The following CACNA1B variants were observed in gnomAD, a reference collection of about 807,000 sequenced individuals.
CACNA1B encodes the protein voltage-dependent N-type calcium channel subunit alpha-1B.
Under a neutral mutation model 247.2 loss-of-function variants are expected in CACNA1B, and 70 were observed. The observed-to-expected ratio is 0.28, with a 90% CI of 0.23 to 0.35. The LOEUF (loss-of-function observed/expected upper bound fraction) is 0.35, where lower values mean the gene tolerates loss of function less well. Among genes scored for constraint, CACNA1B ranks in the 10% least tolerant of loss-of-function variants. The probability of loss-of-function intolerance (pLI) is 1.00; values close to 1 mark genes in which losing one functional copy is unlikely to be tolerated. For synonymous variants in CACNA1B, 1,231 were observed against 1,294.4 expected, an observed-to-expected ratio of 0.95 and a Z score of 1.05; for missense variants, 2,367 against 3,197.4, an observed-to-expected ratio of 0.74 and a Z score of 6.26.
rs893638684 is a variant in CACNA1B at position 137,952,834 on chromosome 9, T to C, written c.1070+457T>C. 6.6e-6 allele frequency among the ~76,000 whole-genome samples: 1 copy of C among 151,466 alleles called. No individual in the cohort carries two copies. Among genetic ancestry groups the C allele is most frequent in the South Asian group, 2.1e-4 (1 of 4,796 alleles). ...GATGGAGGTGTGGTCTGGGACAGGG[T>C]TTCTGAGCAGCCTCTGTGGCCACAG... On this transcript the variant is annotated intron_variant, in intron 7 of 46. Transcript: ENST00000371372. This position sits in a 1 kb window ranked among gnomAD's most constrained non-coding sequence, Gnocchi z 4.8.
At chr9:138,002,729 A>G (rs1958593146) in intron 15 of CACNA1B, among the ~76,000 whole-genome samples, 1 of 151,866 alleles carries the variant, frequency 6.6e-6, no homozygotes, top group South Asian at 2.1e-4. Flanking sequence ...AAAAATATAT[A>G]TTATGAAAAT....
intron 3 of CACNA1B, among the ~76,000 whole-genome samples, chr9:137,896,660 C>T (rs1957177013): frequency 6.6e-6 from 1 of 152,168 alleles, no homozygotes. Flanking sequence ...GAAATGCTCT[C>T]CCTCTTCTAT....
intron 44 of CACNA1B, among the ~76,000 whole-genome samples, chr9:138,119,433 G>A (rs969593663): frequency 6.6e-6 from 1 of 152,096 alleles, no homozygotes; most frequent in African/African-American, 2.4e-5. Flanking sequence ...CCTGCAACAT[G>A]AGCCTGCTTC....
intron 38 of CACNA1B, among the ~76,000 whole-genome samples, chr9:138,103,443 G>A (rs774116293): frequency 1.3e-5 from 2 of 152,184 alleles, no homozygotes; most frequent in African/African-American, 4.8e-5. Context: ...GGGCCTCAGA[G>A]GGCTGCTGGA....
rs1956911081 is a variant in CACNA1B at position 137,881,067 on chromosome 9, G to T, written c.391-1677G>T. ...GCTGGGGGCTCCTTCCCAGCTGAGGGTGCTGGCTGGTCCTTCCTAGGCGTC... is the reference window on the plus strand; with the variant it reads ...GCTGGGGGCTCCTTCCCAGCTGAGGTTGCTGGCTGGTCCTTCCTAGGCGTC... On this transcript the variant is annotated intron_variant, in intron 2 of 46. Coordinates refer to ENST00000371372, the MANE Select transcript of CACNA1B (RefSeq NM_000718.4). This position sits in a 1 kb window ranked among gnomAD's most constrained non-coding sequence, Gnocchi z 4.3. Among the ~76,000 whole-genome samples, 1 of 152,236 alleles carries T rather than the reference G, an allele frequency of 6.6e-6. No individual in the cohort carries two copies. The highest frequency in any genetic ancestry group is 1.5e-5 in the Non-Finnish European group (1 of 68,026).
chr9:138,023,387 C>T lies in CACNA1B; in HGVS notation c.2644C>T (p.Arg882Trp), dbSNP rs760199264. 1.2e-5 allele frequency: 15 copies of T among 1,284,416 alleles called. No homozygotes were observed. The highest frequency in any genetic ancestry group is 1.5e-5 in the Non-Finnish European group (15 of 1,015,810). 79.6% of individuals were successfully genotyped at this position (1,284,416 alleles called of 1,614,324 possible). A position where few individuals can be genotyped will look rare whatever the true frequency, so the allele number is the denominator to read the frequency against. The stretch of plus-strand genomic sequence containing the variant: ...GGCGGAGAGCGGGGAGCCCGGTGCC[C>T]GGGAGGAGCGGCCGCGGCCGCACCG... The part of the protein sequence containing the change: ...PKAESGEPGA[R>W]EERPRPHRSH... The change falls in exon 19 of 47, where the codon CGG becomes TGG. Residue 882 changes from arginine (R) to tryptophan (W), a missense_variant. This residue lies in a region of CACNA1B where 631 missense variants were observed against 631.1 expected (regional missense o/e 1.00). Transcript: ENST00000371372.
At chr9:137,979,937 A>C (rs1020702228) in intron 12 of CACNA1B, among the ~76,000 whole-genome samples, 1 of 152,246 alleles carries the variant, frequency 6.6e-6, no homozygotes, top group East Asian at 1.9e-4. Context: ...CCACTGGTCC[A>C]TAGGGATTCT....
At chr9:137,960,105 A>G (rs1589033928) in intron 10 of CACNA1B, among the ~76,000 whole-genome samples, 3 of 131,286 alleles carry the variant, frequency 2.3e-5, no homozygotes, top group Admixed American at 7.6e-5. Flanking sequence ...AGGGGAGGTC[A>G]GCCTGAGGAA....
rs141137900 is a variant in CACNA1B, at chr9:137,970,757, A to G, written c.1334-626A>G. On this transcript the variant is annotated intron_variant, in intron 10 of 46. Coordinates refer to ENST00000371372, the MANE Select transcript of CACNA1B (RefSeq NM_000718.4). Reference sequence around the variant, plus strand: ...CACAGCAGGACTGGTGTGCGTGGACATGGGAAAAGGCTGCTGGGTTGGGTG... The same window carrying G: ...CACAGCAGGACTGGTGTGCGTGGACGTGGGAAAAGGCTGCTGGGTTGGGTG... Among the ~76,000 whole-genome samples the G allele has an allele frequency of 2.2e-4, 33 of 152,336 alleles. No homozygotes were observed. In the Middle Eastern group the frequency reaches 0.01, roughly 47 times the overall value.
chr9:138,110,985 A>T (rs1233016858), intron 39 of CACNA1B, among the ~76,000 whole-genome samples: 1 of 152,124 alleles, frequency 6.6e-6, no homozygotes, highest in Non-Finnish European at 1.5e-5. Flanking sequence ...ATTTAAAAAA[A>T]AAAAAACCAC....
At chr9:138,039,263 A>G (rs1012751888) in intron 20 of CACNA1B, among the ~76,000 whole-genome samples, 7 of 152,010 alleles carry the variant, frequency 4.6e-5, no homozygotes, top group Non-Finnish European at 5.9e-5. Flanking sequence ...TTGTAATTCA[A>G]ATAGAAGATT....
rs142090972 is a variant in CACNA1B, at chr9:138,032,574, A to G, written c.3286+7402A>G. On this transcript the variant is annotated intron_variant, in intron 20 of 46. Coordinates refer to ENST00000371372, the MANE Select transcript of CACNA1B (RefSeq NM_000718.4). ...TTTTGTGGTAGGTCTGCGGGTGACA[A>G]ATTCTCTTAGTTTTCCTTCATCTGA... 4.9e-3 allele frequency: 2,085 copies of G among 423,878 alleles called. 12 individuals carry two copies. The highest frequency in any genetic ancestry group is 7.6e-3 in the Non-Finnish European group (1,645 of 215,526). The allele number at this position is 423,878 out of a possible 1,614,324, so 26.3% of individuals were successfully genotyped here. A position where few individuals can be genotyped will look rare whatever the true frequency, so the allele number is the denominator to read the frequency against.
chr9:138,040,694 T>G (rs1959108713), intron 20 of CACNA1B: 1 of 222,504 alleles, frequency 4.5e-6, no homozygotes, highest in Admixed American at 4.7e-5. Context: ...TGTCTCCTTT[T>G]CACATTTGTC....
intron 3 of CACNA1B, among the ~76,000 whole-genome samples, chr9:137,898,626 C>G (rs948552696): frequency 1.3e-5 from 2 of 152,086 alleles, no homozygotes; most frequent in African/African-American, 2.4e-5. Flanking sequence ...CCACCTCAGC[C>G]TCCCGAGTAG....
At chr9:137,979,148 G>A (rs1958264160) in intron 12 of CACNA1B, among the ~76,000 whole-genome samples, 1 of 152,222 alleles carries the variant, frequency 6.6e-6, no homozygotes, top group African/African-American at 2.4e-5. Flanking sequence ...CTAACACTTA[G>A]CAGCTTTAAA....
chr9:137,948,704 GGT>G (rs1564202685), intron 6 of CACNA1B, among the ~76,000 whole-genome samples: 1 of 148,238 alleles, frequency 6.7e-6, no homozygotes, highest in African/African-American at 2.5e-5. Flanking sequence ...GTGTGTGTCT[GGT>G]GTGTGTGTGG....
At chr9:138,048,229 T>C (rs1959199468) in intron 23 of CACNA1B, among the ~76,000 whole-genome samples, 1 of 152,230 alleles carries the variant, frequency 6.6e-6, no homozygotes, top group Non-Finnish European at 1.5e-5. Context: ...GAGGTTATGT[T>C]ACCGGCCTAG....
intron 35 of CACNA1B, among the ~76,000 whole-genome samples, chr9:138,076,443 TCCACCATCTCTCATGGGAGCTGCCGTTC>T (rs1960322869): frequency 6.6e-6 from 1 of 152,190 alleles, no homozygotes; most frequent in Non-Finnish European, 1.5e-5. Flanking sequence ...ACCTTTATTT[TCCACCATCTCTCATGGGAGCTGCCGTTC>T]CCTGGGCTCC....
intron 3 of CACNA1B, chr9:137,892,279 C>A (rs764186367): frequency 6.6e-6 from 3 of 456,740 alleles, no homozygotes; most frequent in South Asian, 4.6e-5. Flanking sequence ...AGGGTGTTGG[C>A]AGGATTGGTT....
Sources: gnomAD v4.1 joint callset for allele counts (sites outside exome capture counted in the v4.1 genomes callset) on GRCh38, gnomAD v4.1.1 for gene constraint, gnomAD v4.1.1 regional missense constraint, Gnocchi (gnomAD v3.1) non-coding constraint, MANE v1.5 for transcripts, NCBI Gene and HGNC (gene_info 2026-07-23, HGNC 2026-07-21) for gene names.